Variants in CDH20 observed in about 807,000 individuals in gnomAD.
The protein encoded by CDH20 is cadherin 20.
CDH20 carries 29 observed loss-of-function variants against 74.2 expected under a neutral mutation model. The observed-to-expected ratio is 0.39, with a 90% CI of 0.29 to 0.53. CDH20 has a LOEUF of 0.53. Among genes scored for constraint, CDH20 ranks in the 20% least tolerant of loss-of-function variants. The probability of loss-of-function intolerance (pLI) is 0.69; values close to 1 mark genes in which losing one functional copy is unlikely to be tolerated. For synonymous variants in CDH20, 469 were observed against 405.4 expected (o/e 1.16, Z -1.88); for missense variants, 988 against 1,048.3 (o/e 0.94, Z 0.79).
chr18:61,347,307 TATATATATATATACAC>T (rs1910149325), intron 1 of CDH20, among the ~76,000 whole-genome samples: 2 of 84,628 alleles, frequency 2.4e-5, no homozygotes, highest in African/African-American at 5.5e-5. Context: ...TATATATATA[TATATATATATATACAC>T]ACACACACAC....
At chr18:61,521,352 A>G (rs1332541924) in intron 6 of CDH20, among the ~76,000 whole-genome samples, 1 of 151,294 alleles carries the variant, frequency 6.6e-6, no homozygotes, top group Non-Finnish European at 1.5e-5. Context: ...CTGGACACAT[A>G]CACCCTCCCA....
At chr18:61,470,032 T>C (rs1910109169) in intron 1 of CDH20, among the ~76,000 whole-genome samples, 1 of 151,824 alleles carries the variant, frequency 6.6e-6, no homozygotes, top group African/African-American at 2.4e-5. Context: ...AGTTTGAGAG[T>C]TGCCTCTGCT....
At chr18:61,382,008 C>G (rs1315468795) in intron 1 of CDH20, among the ~76,000 whole-genome samples, 1 of 152,128 alleles carries the variant, frequency 6.6e-6, no homozygotes, top group Non-Finnish European at 1.5e-5. Flanking sequence ...CTTCCATATC[C>G]AAAACGTCTC....
rs747628783 is a variant in CDH20 at position 61,554,401 on chromosome 18, G to A, written c.2112G>A (p.Glu704=). The change falls in exon 12 of 12, where the codon GAG becomes GAA. Residue 704 remains glutamate, a synonymous_variant. Transcript: ENST00000262717. ...APKTRQDMLP[E]IESLSRYVPQ... ...AGACGCGGCAGGACATGCTGCCCGA[G>A]ATCGAGAGCCTCTCCCGCTACGTGC... The A allele has an allele frequency of 4.0e-5, 64 of 1,612,856 alleles. No homozygotes were observed. The highest frequency in any genetic ancestry group is 1.8e-4 in the South Asian group (16 of 91,062).
At chr18:61,426,699 G>A (rs1335671317) in intron 1 of CDH20, among the ~76,000 whole-genome samples, 3 of 152,192 alleles carry the variant, frequency 2.0e-5, no homozygotes, top group Admixed American at 1.3e-4. Flanking sequence ...TGCATCAGCA[G>A]CATATTGTGT....
At chr18:61,424,620 A>T (rs1348625093) in intron 1 of CDH20, among the ~76,000 whole-genome samples, 1 of 152,212 alleles carries the variant, frequency 6.6e-6, no homozygotes, top group African/African-American at 2.4e-5. Context: ...GTCAAATAGC[A>T]TTGATTTAGA....
chr18:61,497,215 G>T (rs756845450), intron 2 of CDH20, among the ~76,000 whole-genome samples: 1 of 151,166 alleles, frequency 6.6e-6, no homozygotes, highest in Non-Finnish European at 1.5e-5. Flanking sequence ...CTATTTTTTC[G>T]GTCAATTTTA....
At chr18:61,506,384 G>C (rs1415216761) in intron 5 of CDH20, among the ~76,000 whole-genome samples, 2 of 152,166 alleles carry the variant, frequency 1.3e-5, no homozygotes, top group Non-Finnish European at 2.9e-5. Context: ...CCTGCGCAAG[G>C]CAGGGTGCTG....
intron 5 of CDH20, among the ~76,000 whole-genome samples, chr18:61,504,395 A>G (rs1028749711): frequency 2.6e-5 from 4 of 152,226 alleles, no homozygotes; most frequent in Non-Finnish European, 4.4e-5. Flanking sequence ...GTCAAAGATG[A>G]CAATGACGTT....
At chr18:61,425,974 C>T (rs979977489) in intron 1 of CDH20, among the ~76,000 whole-genome samples, 6 of 152,082 alleles carry the variant, frequency 3.9e-5, no homozygotes, top group African/African-American at 9.7e-5. Flanking sequence ...CTTTTTGATG[C>T]TATTACAAAT....
At chr18:61,355,909 T>TA (rs1910482656) in intron 1 of CDH20, among the ~76,000 whole-genome samples, 1 of 152,214 alleles carries the variant, frequency 6.6e-6, no homozygotes, top group East Asian at 1.9e-4. Flanking sequence ...AGTATACTAT[T>TA]AAACTGAAAC....
intron 1 of CDH20, among the ~76,000 whole-genome samples, chr18:61,377,519 C>T (rs183100792): frequency 6.6e-6 from 1 of 152,114 alleles, no homozygotes; most frequent in African/African-American, 2.4e-5. Flanking sequence ...AGAGCCCAAT[C>T]CACTTTGAGT....
At chr18:61,452,855 A>G (rs1402130904) in intron 1 of CDH20, among the ~76,000 whole-genome samples, 2 of 152,158 alleles carry the variant, frequency 1.3e-5, no homozygotes, top group Non-Finnish European at 2.9e-5. Flanking sequence ...TTTTTATTGC[A>G]CTAATAATTC....
At chr18:61,352,704 A>T (rs1221834403) in intron 1 of CDH20, among the ~76,000 whole-genome samples, 1 of 152,184 alleles carries the variant, frequency 6.6e-6, no homozygotes, top group Non-Finnish European at 1.5e-5. Context: ...TACTTGACAA[A>T]ATTAAATGTT....
intron 1 of CDH20, among the ~76,000 whole-genome samples, chr18:61,433,518 G>A (rs1055960201): frequency 1.3e-5 from 2 of 152,120 alleles, no homozygotes; most frequent in Admixed American, 6.6e-5. Flanking sequence ...AGTCTCACAC[G>A]TGAAAATGTG....
chr18:61,543,980 C>T (rs987335605), intron 9 of CDH20, among the ~76,000 whole-genome samples: 6 of 152,170 alleles, frequency 3.9e-5, no homozygotes, highest in Non-Finnish European at 8.8e-5. Flanking sequence ...TGCCTAGAAA[C>T]GGCTGGCCGT....
chr18:61,399,113 G>C (rs1912080086), intron 1 of CDH20, among the ~76,000 whole-genome samples: 1 of 151,126 alleles, frequency 6.6e-6, no homozygotes, highest in African/African-American at 2.4e-5. Context: ...ATGACTAATG[G>C]AATGAAGACA....
chr18:61,369,614 C>T lies in CDH20; in HGVS notation c.-153+35787C>T, dbSNP rs373581630. On this transcript the variant is annotated intron_variant, in intron 1 of 11. Transcript: ENST00000262717. ...ATTCTGTGGTAAAAACACATGCACACGTATGTTCATTGGAGCACTATTCAC... is the reference window on the plus strand; with the variant it reads ...ATTCTGTGGTAAAAACACATGCACATGTATGTTCATTGGAGCACTATTCAC... Among the ~76,000 whole-genome samples the T allele has an allele frequency of 6.6e-5, 10 of 152,058 alleles. No homozygotes were observed. The East Asian group carries it at 1.4e-3, about 21-fold the overall frequency.
intron 10 of CDH20, among the ~76,000 whole-genome samples, chr18:61,549,122 A>G (rs1913346375): frequency 6.6e-6 from 1 of 152,198 alleles, no homozygotes; most frequent in South Asian, 2.1e-4. Context: ...GCAAAAGTAT[A>G]TCTACTTTAG....
Sources: allele counts gnomAD v4.1 joint callset (sites outside exome capture counted in the v4.1 genomes callset), GRCh38; gene constraint gnomAD v4.1.1; transcripts MANE v1.5; gene names NCBI Gene and HGNC (gene_info 2026-07-23, HGNC 2026-07-21).